CCDC200: variants seen among roughly 807,000 people sequenced by gnomAD.
The protein encoded by CCDC200 is coiled-coil domain-containing protein 200.
rs376020771 is a variant in CCDC200, at chr17:43,227,800, A to G, written c.105+650T>C. On this transcript the variant is annotated intron_variant, in intron 1 of 3. Transcript: ENST00000636331. ...ATGCCCGGCCAAAATAACATTTTTA[A>G]AAACTAAATTAAATTTATATAACAC... Among the ~76,000 whole-genome samples the G allele has an allele frequency of 2.3e-3, 355 of 151,504 alleles. No individual in the cohort carries two copies. In the East Asian group the frequency reaches 0.037, roughly 16 times the overall value.
At chr17:43,227,168 G>A (rs928135166) in intron 1 of CCDC200, among the ~76,000 whole-genome samples, 2 of 151,656 alleles carry the variant, frequency 1.3e-5, no homozygotes, top group African/African-American at 4.8e-5. Flanking sequence ...TAGTAGAGAT[G>A]GGGTTTCACC....
chr17:43,227,907 G>A (rs950141289), intron 1 of CCDC200, among the ~76,000 whole-genome samples: 1 of 152,212 alleles, frequency 6.6e-6, no homozygotes, highest in South Asian at 2.1e-4. Flanking sequence ...TCGGGAGTTT[G>A]AGACCAGCCT....
chr17:43,221,659 G>A (rs985838448), intron 3 of CCDC200, 62 bp from the exon 4 acceptor site: 1 of 152,632 alleles, frequency 6.6e-6, no homozygotes, highest in Non-Finnish European at 1.5e-5. Context: ...AGAACATTGT[G>A]TGAAATCCCT....
chr17:43,222,160 T>C (rs952328894), intron 3 of CCDC200, among the ~76,000 whole-genome samples: 7 of 152,058 alleles, frequency 4.6e-5, no homozygotes, highest in Non-Finnish European at 8.8e-5. Context: ...TAAGTGCTTT[T>C]AATGCTCTTT....
upstream of CCDC200, among the ~76,000 whole-genome samples, chr17:43,231,033 C>G (rs1258258508): frequency 1.1e-5 from 1 of 94,198 alleles, no homozygotes; most frequent in South Asian, 3.4e-4. Flanking sequence ...AATCCCAGCA[C>G]TTTGGGAGGC....
At chr17:43,223,332 A>G (rs147357995) in intron 3 of CCDC200, among the ~76,000 whole-genome samples, 25 of 146,870 alleles carry the variant, frequency 1.7e-4, no homozygotes, top group Middle Eastern at 3.8e-3. Context: ...AGCCAAGACT[A>G]CTGCACCCAG....
At chr17:43,230,885 G>T (rs1555617197), upstream of CCDC200, among the ~76,000 whole-genome samples, 393 of 91,308 alleles carry the variant, frequency 4.3e-3, 26 homozygotes, top group African/African-American at 0.011. Context: ...GGAGGCTGAG[G>T]CAGAAGAATG....
At chr17:43,226,529 G>A (rs891579618) in intron 1 of CCDC200, among the ~76,000 whole-genome samples, 1 of 152,092 alleles carries the variant, frequency 6.6e-6, no homozygotes, top group African/African-American at 2.4e-5. Flanking sequence ...CCGAGTAGCT[G>A]GGACTATGGG....
At chr17:43,222,667 G>A (rs1395011248) in intron 3 of CCDC200, among the ~76,000 whole-genome samples, 2 of 150,660 alleles carry the variant, frequency 1.3e-5, no homozygotes, top group South Asian at 2.1e-4. Flanking sequence ...CACCACTTAC[G>A]GCAGCCTCAA....
intron 2 of CCDC200, 187 bp downstream of exon 2, chr17:43,224,047 T>C (rs894767716): frequency 6.6e-6 from 1 of 152,000 alleles, no homozygotes; most frequent in South Asian, 2.1e-4. Context: ...TCAGAGAGGG[T>C]AGGGTGGTAG....
intron 3 of CCDC200, among the ~76,000 whole-genome samples, chr17:43,221,979 C>T (rs1460120144): frequency 3.3e-5 from 5 of 151,872 alleles, no homozygotes; most frequent in Admixed American, 2.6e-4. Context: ...CCTGTAATCC[C>T]AGCTACTCGG....
intron 1 of CCDC200, among the ~76,000 whole-genome samples, chr17:43,226,640 C>T (rs963288152): frequency 2.0e-5 from 3 of 152,062 alleles, no homozygotes; most frequent in Admixed American, 1.3e-4. Flanking sequence ...AGGATCAGCC[C>T]GCCTTGGCTC....
intron 3 of CCDC200, among the ~76,000 whole-genome samples, chr17:43,222,843 C>T (rs1309754265): frequency 6.7e-6 from 1 of 149,358 alleles, no homozygotes; most frequent in Non-Finnish European, 1.5e-5. Context: ...GATCTTGGCT[C>T]ACTGCAACCT....
intron 3 of CCDC200, among the ~76,000 whole-genome samples, chr17:43,221,938 T>G (rs903950601): frequency 2.6e-5 from 4 of 151,798 alleles, no homozygotes; most frequent in Admixed American, 2.0e-4. Context: ...CTACTAATAA[T>G]ATAAAAATTA....
chr17:43,223,996 T>C (rs1261986389), intron 2 of CCDC200: 2 of 151,954 alleles, frequency 1.3e-5, no homozygotes, highest in Non-Finnish European at 2.9e-5. Flanking sequence ...CCAGGGGGAG[T>C]TGACCAGCAA....
upstream of CCDC200, among the ~76,000 whole-genome samples, chr17:43,230,536 C>A (rs1238747913): frequency 1.5e-5 from 1 of 68,544 alleles, no homozygotes; most frequent in Non-Finnish European, 3.8e-5. Flanking sequence ...ATTAGCTGGG[C>A]GTGGTGGCAA....
intron 3 of CCDC200, among the ~76,000 whole-genome samples, chr17:43,223,022 C>T (rs968760063): frequency 3.3e-5 from 5 of 151,638 alleles, no homozygotes; most frequent in Non-Finnish European, 7.4e-5. Flanking sequence ...CTGCCTCAGC[C>T]CCTCAAAGTG....
intron 3 of CCDC200, among the ~76,000 whole-genome samples, chr17:43,223,216 C>CT (rs1262678022): frequency 7.7e-6 from 1 of 129,590 alleles, no homozygotes; most frequent in Non-Finnish European, 1.6e-5. Flanking sequence ...ACACACTTGG[C>CT]TTTTTTTCAA....
At chr17:43,223,243 TCAA>T (rs869118430) in intron 3 of CCDC200, among the ~76,000 whole-genome samples, 17,957 of 70,862 alleles carry the variant, frequency 0.25, 3,089 homozygotes, top group Non-Finnish European at 0.32. Flanking sequence ...TCAATTTTTT[TCAA>T]TTTTTTTTTT....
Sources: allele counts gnomAD v4.1 joint callset (sites outside exome capture counted in the v4.1 genomes callset), GRCh38; gene constraint gnomAD v4.1.1; transcripts MANE v1.5; gene names NCBI Gene and HGNC (gene_info 2026-07-23, HGNC 2026-07-21).